UBR4: variants seen among roughly 807,000 people sequenced by gnomAD.
UBR4 encodes the protein ubiquitin protein ligase E3 component n-recognin 4.
In UBR4, 124 loss-of-function variants were observed where a neutral mutation model predicts 575.6. The observed-to-expected ratio is 0.22, with a 90% CI of 0.19 to 0.25. The LOEUF is 0.25. Among genes scored for constraint, UBR4 ranks in the 10% least tolerant of loss-of-function variants. The probability of loss-of-function intolerance (pLI) is 1.00; values close to 1 mark genes in which losing one functional copy is unlikely to be tolerated. For synonymous variants in UBR4, 2,455 were observed against 2,473.7 expected (o/e 0.99, Z 0.22); for missense variants, 4,818 against 6,478.8 (o/e 0.74, Z 8.80).
intron 94 of UBR4, 36 bp downstream of exon 94, chr1:19,094,870 C>A: frequency 6.2e-7 from 1 of 1,610,212 alleles, no homozygotes; most frequent in South Asian, 1.1e-5. Context: ...TGCAGGCTCT[C>A]AGTGCCTGCA....
chr1:19,152,466 C>T lies in UBR4; in HGVS notation c.6843G>A (p.Thr2281=), dbSNP rs1366193451. The change falls in exon 47 of 106, where the codon ACG becomes ACA. Residue 2281 remains threonine, a synonymous_variant. Coordinates refer to ENST00000375254, the MANE Select transcript of UBR4 (RefSeq NM_020765.3). The surrounding 1 kb of genome is among the most constrained non-coding windows in gnomAD (Gnocchi z 4.4). The part of the protein sequence containing the change: ...KRKTATITTR[T]SSQVTFPIDF... ...CAATGGGGAAAGTCACCTGGCTAGA[C>T]GTGCGGGTTGCTGCAGAGAACGGTA... is the stretch of plus-strand genomic sequence containing the variant. 6.8e-6 allele frequency: 11 copies of T among 1,613,916 alleles called. No homozygotes were observed. Among genetic ancestry groups the T allele is most frequent in the South Asian group, 1.1e-5 (1 of 91,076 alleles).
At chr1:19,163,035 G>A (rs2087654040) in intron 34 of UBR4, among the ~76,000 whole-genome samples, 1 of 152,156 alleles carries the variant, frequency 6.6e-6, no homozygotes, top group Non-Finnish European at 1.5e-5. Flanking sequence ...AGTAATGCAG[G>A]AGAGGAATAC....
Position 19,105,147 on chromosome 1 carries a change from C to A in UBR4, c.12546G>T (p.Glu4182Asp), listed in dbSNP as rs1206042556. 5 of 1,614,008 alleles carry A rather than the reference C, an allele frequency of 3.1e-6. No homozygotes were observed. Among genetic ancestry groups the A allele is most frequent in the Non-Finnish European group, 4.2e-6 (5 of 1,180,018 alleles). ...TGAGCTTCTGGTAGAGAGCCAGGTA[C>A]TCAGCTGCACACTCCCCAGCTATGC... ...ELSIAGECAAEYLALYQKLIT... is the reference protein window; with the variant it reads ...ELSIAGECAADYLALYQKLIT... Residue 4182 changes from glutamate to aspartate, a missense_variant, in exon 85 of 106, where the codon GAG becomes GAT. By Grantham distance (45) the Glu-to-Asp change is conservative (BLOSUM62 2). Coordinates refer to ENST00000375254, the MANE Select transcript of UBR4 (RefSeq NM_020765.3).
At chr1:19,164,699 C>T (rs1007627591) in intron 32 of UBR4, 100 bp downstream of exon 32, 7 of 1,446,624 alleles carry the variant, frequency 4.8e-6, no homozygotes, top group Admixed American at 3.6e-5. Context: ...TACAAAAATG[C>T]TGAGAATGCT....
chr1:19,164,691 C>G, intron 32 of UBR4, 108 bp downstream of exon 32: 2 of 1,426,098 alleles, frequency 1.4e-6, no homozygotes, highest in Non-Finnish European at 1.9e-6. Context: ...GAGGTAGATA[C>G]AAAAATGCTG....
chr1:19,141,045 C>T (rs1419080316), intron 57 of UBR4, among the ~76,000 whole-genome samples, 153 bp from the exon 58 acceptor site: 1 of 152,236 alleles, frequency 6.6e-6, no homozygotes, highest in African/African-American at 2.4e-5. Flanking sequence ...GCTGTCCACC[C>T]ACCAAGTTCA....
rs1282144113 is a variant in UBR4, at chr1:19,121,999, T to C, written c.9830A>G (p.Lys3277Arg). Reference protein sequence around the residue: ...DTLISLMEHLKACAEIAAQRT... With the variant: ...DTLISLMEHLRACAEIAAQRT... Reference sequence around the variant, plus strand: ...CTGGGCGGCAATCTCTGCACAGGCTTTCAGGTGCTCCATCTGAAATAGGAA... The same window carrying C: ...CTGGGCGGCAATCTCTGCACAGGCTCTCAGGTGCTCCATCTGAAATAGGAA... Residue 3277 changes from lysine (K) to arginine (R), a missense_variant, in exon 67 of 106, where the codon AAA (lysine) becomes AGA (arginine). Coordinates refer to ENST00000375254, the MANE Select transcript of UBR4 (RefSeq NM_020765.3). 6.2e-7 allele frequency: 1 copy of C among 1,614,038 alleles called. No homozygotes were observed. The highest frequency in any genetic ancestry group is 8.5e-7 in the Non-Finnish European group (1 of 1,179,996).
In UBR4 at chr1:19,198,037, T is replaced by C. The variant is rs770524407; in HGVS notation, c.661A>G (p.Asn221Asp). 20 of 1,613,788 alleles carry C rather than the reference T, an allele frequency of 1.2e-5. No individual in the cohort carries two copies. The Admixed American group carries it at 3.2e-4, about 26-fold the overall frequency. The change falls in exon 6 of 106, where the codon AAT (asparagine) becomes GAT (aspartate). Residue 221 changes from asparagine (N) to aspartate (D), a missense_variant. Coordinates refer to ENST00000375254, the MANE Select transcript of UBR4 (RefSeq NM_020765.3). ...TGATCTGTAGATGACTGCTCATCAT[T>C]TTCTCCTTCCACCTGAAAAGAAACA... The part of the protein sequence containing the change: ...ISTQTLVEGE[N>D]DEQSSTDQAS...
intron 27 of UBR4, among the ~76,000 whole-genome samples, chr1:19,169,104 G>A (rs1175025227): frequency 1.3e-5 from 2 of 152,160 alleles, no homozygotes; most frequent in Non-Finnish European, 1.5e-5. Flanking sequence ...GAGTTAACAC[G>A]TATTGGGAAT....
chr1:19,081,317 G>C (rs761314373), intron 103 of UBR4, 32 bp downstream of exon 103: 4 of 1,532,606 alleles, frequency 2.6e-6, no homozygotes, highest in Non-Finnish European at 3.5e-6. Flanking sequence ...ATGGGAAATA[G>C]TGAGCAGCAG....
chr1:19,194,705 A>C (rs772239854), intron 8 of UBR4, among the ~76,000 whole-genome samples: 3 of 152,096 alleles, frequency 2.0e-5, no homozygotes, highest in Non-Finnish European at 1.5e-5. Context: ...GGGAAGCTGA[A>C]GCAGGAGAAT....
Position 19,198,570 on chromosome 1 carries a change from C to T in UBR4, c.619G>A (p.Ala207Thr), listed in dbSNP as rs1338471953. 3.1e-6 allele frequency: 5 copies of T among 1,614,014 alleles called. No individual in the cohort carries two copies. The highest frequency in any genetic ancestry group is 2.2e-5 in the East Asian group (1 of 44,902). Residue 207 changes from alanine (A) to threonine (T), a missense_variant, in exon 5 of 106, where the codon GCA (alanine) becomes ACA (threonine). Ala to Thr is a moderately conservative substitution (Grantham distance 58). Around this residue, in one of 29 missense-constraint regions of UBR4, gnomAD observed 83 missense variants for 77.3 expected, o/e 1.07. Coordinates refer to ENST00000375254, the MANE Select transcript of UBR4 (RefSeq NM_020765.3). ...LTSVFNPRTV[A>T]SQPISTQTLV... is the part of the protein sequence containing the mutation. ...GTCTGTGTACTGATAGGTTGTGATG[C>T]TACAGTTCTAGGGTTAAAAACTGAG...
chr1:19,142,034 T>C (rs1184461671), intron 55 of UBR4, among the ~76,000 whole-genome samples: 1 of 152,220 alleles, frequency 6.6e-6, no homozygotes, highest in Admixed American at 6.5e-5. Flanking sequence ...GGAAACAAAC[T>C]TGGATTCCAA....
chr1:19,093,637 A>C lies in UBR4; in HGVS notation c.13938-151T>G. 1.1e-6 allele frequency: 1 copy of C among 883,782 alleles called. No homozygotes were observed. The highest frequency in any genetic ancestry group is 1.7e-6 in the Non-Finnish European group (1 of 591,824). 54.7% of individuals were successfully genotyped at this position (883,782 alleles called of 1,614,324 possible). A position where few individuals can be genotyped will look rare whatever the true frequency, so the allele number is the denominator to read the frequency against. On this transcript the variant is annotated intron_variant, in intron 95 of 105. Transcript: ENST00000375254. The surrounding 1 kb of genome is among the most constrained non-coding windows in gnomAD (Gnocchi z 4.8). ...AGACCTATCTGCCCCGGCTCCTGCCACTCTCCCTGTTTACCTGCTATGTCT... is the reference window on the plus strand; with the variant it reads ...AGACCTATCTGCCCCGGCTCCTGCCCCTCTCCCTGTTTACCTGCTATGTCT...
intron 92 of UBR4, 68 bp downstream of exon 92, chr1:19,096,455 C>G: frequency 6.4e-7 from 1 of 1,568,864 alleles, no homozygotes; most frequent in Non-Finnish European, 8.6e-7. Context: ...GTGGCCATAG[C>G]TTCTTTCCAC....
chr1:19,181,330 C>A (rs2090933422), intron 17 of UBR4, among the ~76,000 whole-genome samples: 1 of 152,074 alleles, frequency 6.6e-6, no homozygotes, highest in African/African-American at 2.4e-5. Flanking sequence ...GAGTTCAAGA[C>A]CAGCCTGGGA....
At chr1:19,202,954 C>T (rs544810247) in intron 1 of UBR4, among the ~76,000 whole-genome samples, 15 of 151,430 alleles carry the variant, frequency 9.9e-5, no homozygotes, top group East Asian at 9.8e-4. Context: ...TGGTGGCACG[C>T]GCCTGTAATC....
At chr1:19,171,988 G>A (rs1222541007) in intron 25 of UBR4, among the ~76,000 whole-genome samples, 2 of 152,190 alleles carry the variant, frequency 1.3e-5, no homozygotes, top group African/African-American at 4.8e-5. Context: ...TGTTTGGGAA[G>A]TCAGGCCCAG....
chr1:19,174,377 G>A lies in UBR4; in HGVS notation c.2924C>T (p.Ala975Val), dbSNP rs2150970377. 2.5e-6 allele frequency: 4 copies of A among 1,613,404 alleles called. No homozygotes were observed. The highest frequency in any genetic ancestry group is 3.4e-6 in the Non-Finnish European group (4 of 1,179,968). ...AACTGTATCAAGCTGGGACCCAGCT[G>A]CAAGCAGGGCTGTCAGTGCAGCATA... Reference protein sequence around the residue: ...ELYAALTALLAAGSQLDTVRR... With the variant: ...ELYAALTALLVAGSQLDTVRR... The change falls in exon 22 of 106, where the codon GCA (alanine) becomes GTA (valine). Residue 975 changes from alanine (A) to valine (V), a missense_variant. Physicochemically the swap from Ala to Val is moderately conservative, Grantham distance 64 (BLOSUM62 0). Transcript: ENST00000375254.
Sources: gnomAD v4.1 joint callset for allele counts (sites outside exome capture counted in the v4.1 genomes callset) on GRCh38, gnomAD v4.1.1 for gene constraint, gnomAD v4.1.1 regional missense constraint, Gnocchi (gnomAD v3.1) non-coding constraint, MANE v1.5 for transcripts, NCBI Gene and HGNC (gene_info 2026-07-23, HGNC 2026-07-21) for gene names.